The following IGF1R variants were observed in gnomAD, a reference collection of about 807,000 sequenced individuals.
IGF1R encodes the protein insulin like growth factor 1 receptor, also known as insulin-like growth factor 1 receptor.
IGF1R carries 44 observed loss-of-function variants against 144.6 expected under a neutral mutation model. The observed-to-expected ratio is 0.30, with a 90% CI of 0.24 to 0.39. The LOEUF (loss-of-function observed/expected upper bound fraction) is 0.39. Among genes scored for constraint, IGF1R ranks in the 10% least tolerant of loss-of-function variants. The pLI is 1.00. For missense variants in IGF1R, 1,355 were observed against 1,833.7 expected (o/e 0.74, Z 4.77); for synonymous variants, 795 against 722.8 (o/e 1.10, Z -1.60).
At chr15:98,791,963 C>T (rs1223120580) in intron 2 of IGF1R, among the ~76,000 whole-genome samples, 8 of 152,220 alleles carry the variant, frequency 5.3e-5, no homozygotes, top group Admixed American at 5.2e-4. Context: ...AGCTATAGGT[C>T]CTCACCTGGC....
At chr15:98,802,599 A>T (rs556773566) in intron 2 of IGF1R, among the ~76,000 whole-genome samples, 2 of 152,362 alleles carry the variant, frequency 1.3e-5, no homozygotes, top group East Asian at 1.9e-4. Flanking sequence ...GGTTGCTTGT[A>T]TGCACGAATT....
intron 2 of IGF1R, among the ~76,000 whole-genome samples, chr15:98,826,004 C>T (rs1044401821): frequency 1.3e-5 from 2 of 152,164 alleles, no homozygotes; most frequent in Non-Finnish European, 2.9e-5. Flanking sequence ...GAATGATGAT[C>T]TCCACCTCTC....
At chr15:98,662,325 C>T (rs568360051) in intron 1 of IGF1R, among the ~76,000 whole-genome samples, 1 of 152,098 alleles carries the variant, frequency 6.6e-6, no homozygotes, top group African/African-American at 2.4e-5. Flanking sequence ...GGTTTGAACC[C>T]GGACGTCTGA....
In IGF1R at chr15:98,948,835, G is replaced by A. The variant is rs2016658140; in HGVS notation, c.3722+127G>A. 2.7e-6 allele frequency: 3 copies of A among 1,123,120 alleles called. No homozygotes were observed. The Admixed American group carries it at 5.1e-5, about 19-fold the overall frequency. The allele number at this position is 1,123,120 out of a possible 1,614,324, so 69.6% of individuals were successfully genotyped here. A position where few individuals can be genotyped will look rare whatever the true frequency, so the allele number is the denominator to read the frequency against. On this transcript the variant is annotated intron_variant, in intron 20 of 20. Coordinates refer to ENST00000650285, the MANE Select transcript of IGF1R (RefSeq NM_000875.5). ...TCCTGCGCCTCCCTTGCCAGGCGTG[G>A]CTAAGAGGTTTGTCCTTGTGGAAGG...
At chr15:98,662,004 C>T (rs1232610935) in intron 1 of IGF1R, among the ~76,000 whole-genome samples, 1 of 136,074 alleles carries the variant, frequency 7.3e-6, no homozygotes, top group African/African-American at 3.1e-5. Flanking sequence ...GCTCTGTTGC[C>T]CAGGCTGGAG....
chr15:98,928,049 C>T (rs2015790837), intron 13 of IGF1R, among the ~76,000 whole-genome samples: 1 of 152,192 alleles, frequency 6.6e-6, no homozygotes, highest in Admixed American at 6.5e-5. Context: ...TCACAGCATC[C>T]TTCACTCTTC....
At chr15:98,706,773 A>G (rs1361691589) in intron 1 of IGF1R, among the ~76,000 whole-genome samples, 1 of 151,444 alleles carries the variant, frequency 6.6e-6, no homozygotes, top group Non-Finnish European at 1.5e-5. Flanking sequence ...ATTGGCATAG[A>G]TAGTGTTAAC....
At chr15:98,920,786 C>A (rs534356234) in intron 10 of IGF1R, among the ~76,000 whole-genome samples, 1 of 152,276 alleles carries the variant, frequency 6.6e-6, no homozygotes, top group South Asian at 2.1e-4. Flanking sequence ...GGTAGGACCC[C>A]CGTGTGCCAC....
At chr15:98,881,160 T>C (rs966634266) in intron 2 of IGF1R, among the ~76,000 whole-genome samples, 1 of 152,188 alleles carries the variant, frequency 6.6e-6, no homozygotes, top group Non-Finnish European at 1.5e-5. Context: ...CAGAGTGTCA[T>C]GTTGCCTGGG....
At chr15:98,708,859 T>C (rs45473299) in intron 2 of IGF1R, among the ~76,000 whole-genome samples, 7,074 of 152,302 alleles carry the variant, frequency 0.046, 413 homozygotes, top group African/African-American at 0.13. Context: ...GAAGGAACTT[T>C]GGAAAGTATT....
chr15:98,807,576 A>T (rs571918886), intron 2 of IGF1R, among the ~76,000 whole-genome samples: 1 of 152,342 alleles, frequency 6.6e-6, no homozygotes, highest in Middle Eastern at 3.4e-3. Context: ...ATGGGATTTT[A>T]TCCTTGTGCT....
intron 2 of IGF1R, among the ~76,000 whole-genome samples, chr15:98,854,682 G>A (rs1353067644): frequency 1.3e-5 from 2 of 152,180 alleles, no homozygotes; most frequent in African/African-American, 4.8e-5. Flanking sequence ...GCGGGAGAAT[G>A]CCAGGGCAGG....
chr15:98,831,825 A>G (rs894171232), intron 2 of IGF1R, among the ~76,000 whole-genome samples: 5 of 152,168 alleles, frequency 3.3e-5, no homozygotes, highest in African/African-American at 1.2e-4. Context: ...TGTCTTGTGA[A>G]AAAGTCTGTC....
intron 19 of IGF1R, among the ~76,000 whole-genome samples, chr15:98,946,130 C>T (rs979018549): frequency 8.5e-5 from 12 of 141,372 alleles, no homozygotes; most frequent in Admixed American, 7.8e-4. Flanking sequence ...ATCTTCTTCA[C>T]AGAAGAGATG....
chr15:98,949,379 CTT>C (rs5814914), intron 20 of IGF1R, among the ~76,000 whole-genome samples: 6 of 135,322 alleles, frequency 4.4e-5, no homozygotes, highest in Non-Finnish European at 4.7e-5. Context: ...TCTCACTGCA[CTT>C]TTTTTTTTTT....
intron 2 of IGF1R, among the ~76,000 whole-genome samples, chr15:98,809,006 G>T (rs1372744106): frequency 1.3e-5 from 2 of 152,188 alleles, no homozygotes; most frequent in Admixed American, 1.3e-4. Context: ...CTTATCAACA[G>T]TTAAAATAAG....
intron 2 of IGF1R, among the ~76,000 whole-genome samples, chr15:98,883,627 C>T (rs969876563): frequency 6.6e-6 from 1 of 152,296 alleles, no homozygotes; most frequent in African/African-American, 2.4e-5. Context: ...GATTATTTTA[C>T]GAGGCGAGAG....
At position 98,911,451 on chromosome 15, in the gene IGF1R, TG is replaced by T. The variant is rs755496569; in HGVS notation, c.1589+11del. The T allele has an allele frequency of 1.9e-6, 3 of 1,614,180 alleles. No homozygotes were observed. The highest frequency in any genetic ancestry group is 2.5e-6 in the Non-Finnish European group (3 of 1,180,016). ...TTTACTACAAGGAAGCGTGAGTTTCTGCTTTGGGTGATGCCATTCTGTTGAC... is the reference window on the plus strand; with the variant it reads ...TTTACTACAAGGAAGCGTGAGTTTCTCTTTGGGTGATGCCATTCTGTTGAC... On this transcript the variant is annotated intron_variant, in intron 7 of 20. Coordinates refer to ENST00000650285, the MANE Select transcript of IGF1R (RefSeq NM_000875.5).
chr15:98,865,882 T>G (rs576672959), intron 2 of IGF1R, among the ~76,000 whole-genome samples: 70 of 152,100 alleles, frequency 4.6e-4, no homozygotes, highest in African/African-American at 1.7e-3. Context: ...TTAAACCTAA[T>G]TGAGTGTTGA....
Sources: allele counts gnomAD v4.1 joint callset (sites outside exome capture counted in the v4.1 genomes callset), GRCh38; gene constraint gnomAD v4.1.1; transcripts MANE v1.5; gene names NCBI Gene and HGNC (gene_info 2026-07-23, HGNC 2026-07-21).